Variants in ZNF35 observed in about 807,000 individuals in gnomAD.
The protein encoded by ZNF35 is zinc finger protein 35.
ZNF35 carries 31 observed loss-of-function variants against 45.9 expected under a neutral mutation model. That is an observed-to-expected ratio of 0.68 (90% CI 0.51 to 0.91). ZNF35 has a LOEUF of 0.91. Among genes scored for constraint, ZNF35 ranks in the 40% least tolerant of loss-of-function variants. ZNF35 has a pLI of 0.00. For missense variants in ZNF35, 515 were observed against 625.4 expected, an observed-to-expected ratio of 0.82 and a Z score of 1.88; for synonymous variants, 205 against 220.2, an observed-to-expected ratio of 0.93 and a Z score of 0.61.
At chr3:44,646,610 T>C (rs1702973243), upstream of ZNF35, 3 of 812,618 alleles carry the variant, frequency 3.7e-6, no homozygotes, top group Non-Finnish European at 6.4e-6. Flanking sequence ...ATTATTATGA[T>C]GAAAAAGAGA....
chr3:44,649,828 C>A (rs1703150351), intron 1 of ZNF35, among the ~76,000 whole-genome samples: 1 of 151,800 alleles, frequency 6.6e-6, no homozygotes, highest in Admixed American at 6.6e-5. Context: ...ATAATATAGC[C>A]ACAATTTAGA....
intron 3 of ZNF35, among the ~76,000 whole-genome samples, chr3:44,652,913 C>T (rs1703230574): frequency 6.6e-6 from 1 of 152,150 alleles, no homozygotes; most frequent in South Asian, 2.1e-4. Flanking sequence ...ACTAGACAAA[C>T]ATAGGTGTTG....
chr3:44,652,650 A>T lies in ZNF35; in HGVS notation c.286A>T (p.Thr96Ser), dbSNP rs200833988. The T allele has an allele frequency of 2.5e-6, 4 of 1,610,692 alleles. No individual in the cohort carries two copies. Among genetic ancestry groups the T allele is most frequent in the Non-Finnish European group, 3.4e-6 (4 of 1,178,690 alleles). Residue 96 changes from threonine to serine, a missense_variant, in exon 3 of 4, where the codon ACT (threonine) becomes TCT (serine). Physicochemically the swap from Thr to Ser is moderately conservative, Grantham distance 58. Around this residue, in one of 3 missense-constraint regions of ZNF35, gnomAD observed 275 missense variants for 295.7 expected, o/e 0.93. Coordinates refer to ENST00000396056, the MANE Select transcript of ZNF35 (RefSeq NM_003420.4). ...STLGSYSLPG[T>S]LAKSEILETH... ...CCTTGGCAGCTACTCATTACCAGGGACTCTGGCCAAGAGTGAGATACTGGA... is the reference window on the plus strand; with the variant it reads ...CCTTGGCAGCTACTCATTACCAGGGTCTCTGGCCAAGAGTGAGATACTGGA...
Position 44,652,621 on chromosome 3 carries a change from C to G in ZNF35, c.257C>G (p.Ser86Ter), listed in dbSNP as rs1703224749. The change falls in exon 3 of 4, where the codon TCA (serine) becomes TGA (stop). Residue 86 changes from serine to a stop codon, truncating the protein, a stop_gained. Transcript: ENST00000396056. LOFTEE classifies it high-confidence loss of function. ...LKATQEAPAASTLGSYSLPGT... is the reference protein window; with the variant it reads ...LKATQEAPAA ...GCAACTCAGGAGGCACCTGCTGCTT[C>G]AACCCTTGGCAGCTACTCATTACCA... The G allele has an allele frequency of 6.2e-7, 1 of 1,611,130 alleles. No individual in the cohort carries two copies. The highest frequency in any genetic ancestry group is 2.2e-5 in the East Asian group (1 of 44,752).
chr3:44,650,761 G>T (rs1310525359), intron 1 of ZNF35, among the ~76,000 whole-genome samples, 180 bp from the exon 2 acceptor site: 1 of 152,218 alleles, frequency 6.6e-6, no homozygotes, highest in Non-Finnish European at 1.5e-5. Flanking sequence ...ATTATGGGAA[G>T]ATATTACATA....
chr3:44,651,194 A>G lies in ZNF35; in HGVS notation c.127A>G (p.Ile43Val), dbSNP rs771356809. ...CAGCCAACAAGTGCACTCCGAGAAC[A>G]TCAAAGTCTGGGCCCCAGTGCAGGG... ...ASSQQVHSEN[I>V]KVWAPVQGLQ... Residue 43 changes from isoleucine (I) to valine (V), a missense_variant, in exon 2 of 4, where the codon ATC (isoleucine) becomes GTC (valine). Transcript: ENST00000396056. The G allele has an allele frequency of 6.8e-6, 11 of 1,614,212 alleles. No homozygotes were observed. Among genetic ancestry groups the G allele is most frequent in the African/African-American group, 1.3e-5 (1 of 75,052 alleles).
At chr3:44,650,497 A>G (rs1703180766) in intron 1 of ZNF35, among the ~76,000 whole-genome samples, 1 of 152,216 alleles carries the variant, frequency 6.6e-6, no homozygotes, top group Admixed American at 6.5e-5. Context: ...CTATGATGAT[A>G]ATTGTGAAAA....
In ZNF35 at chr3:44,659,584, G is replaced by T; in HGVS notation, c.1221G>T (p.Val407=). 6.2e-7 allele frequency: 1 copy of T among 1,613,954 alleles called. No homozygotes were observed. Among genetic ancestry groups the T allele is most frequent in the Non-Finnish European group, 8.5e-7 (1 of 1,179,966 alleles). Residue 407 remains valine (V), a synonymous_variant, in exon 4 of 4, where the codon GTG becomes GTT. Transcript: ENST00000396056. The surrounding 1 kb of genome is among the most constrained non-coding windows in gnomAD (Gnocchi z 4.3). ...KAFSCFSHLI[V]HQRIHTAEKP... ...TTAGTTGTTTTTCACACCTTATTGT[G>T]CACCAGAGAATTCACACTGCAGAGA...
At chr3:44,655,289 G>C (rs1703279458) in intron 3 of ZNF35, among the ~76,000 whole-genome samples, 1 of 151,634 alleles carries the variant, frequency 6.6e-6, no homozygotes, top group Non-Finnish European at 1.5e-5. Context: ...ATAAAATCTT[G>C]ATAAACACAG....
intron 1 of ZNF35, among the ~76,000 whole-genome samples, chr3:44,649,853 T>C (rs1481772455): frequency 6.6e-6 from 1 of 152,190 alleles, no homozygotes; most frequent in Non-Finnish European, 1.5e-5. Flanking sequence ...TATGCCAGAA[T>C]GAGGTAGTTC....
At chr3:44,656,712 TAG>T (rs1176497200) in intron 3 of ZNF35, among the ~76,000 whole-genome samples, 2 of 142,052 alleles carry the variant, frequency 1.4e-5, no homozygotes, top group African/African-American at 2.6e-5. Context: ...TTCTTTGAGA[TAG>T]AGTCTTGCTT....
Position 44,659,480 on chromosome 3 carries a change from C to G in ZNF35, c.1117C>G (p.Gln373Glu), listed in dbSNP as rs748539228. 1.2e-6 allele frequency: 2 copies of G among 1,612,476 alleles called. No homozygotes were observed. The highest frequency in any genetic ancestry group is 1.1e-5 in the South Asian group (1 of 90,992). The stretch of plus-strand genomic sequence containing the variant: ...TAACGACTGTGGCAAAGCCTTTACC[C>G]AGAGTGCAAATCTTATTGTACATCA... ...ACNDCGKAFT[Q>E]SANLIVHQRS... The change falls in exon 4 of 4, where the codon CAG becomes GAG. Residue 373 changes from glutamine (Q) to glutamate (E), a missense_variant. Physicochemically the swap from Gln to Glu is conservative, Grantham distance 29 (BLOSUM62 2). Coordinates refer to ENST00000396056, the MANE Select transcript of ZNF35 (RefSeq NM_003420.4). The surrounding 1 kb of genome is among the most constrained non-coding windows in gnomAD (Gnocchi z 4.3).
chr3:44,660,633 C>T lies in ZNF35; in HGVS notation c.*686C>T, dbSNP rs1041341869. On this transcript the variant is annotated 3_prime_UTR_variant, in exon 4 of 4. Coordinates refer to ENST00000396056, the MANE Select transcript of ZNF35 (RefSeq NM_003420.4). ...CCAAGCACTCAAGGATTGATGGACA[C>T]CACACACCAGCTATATTCATTTGCC... The T allele has an allele frequency of 1.3e-5, 2 of 152,314 alleles. No homozygotes were observed. The highest frequency in any genetic ancestry group is 6.5e-5 in the Admixed American group (1 of 15,284). 9.4% of individuals were successfully genotyped at this position (152,314 alleles called of 1,614,324 possible).
In ZNF35 at chr3:44,659,849, C is replaced by T; in HGVS notation, c.1486C>T (p.His496Tyr). The T allele has an allele frequency of 5.0e-6, 8 of 1,613,640 alleles. No homozygotes were observed. Among genetic ancestry groups the T allele is most frequent in the Non-Finnish European group, 6.8e-6 (8 of 1,179,716 alleles). ...GAGCCTCACCGTGCACCAGAGAACC[C>T]ACACTGGGGAGAAGCCCTATGAATG... ...RSSLTVHQRT[H>Y]TGEKPYECEK... The change falls in exon 4 of 4, where the codon CAC becomes TAC. Residue 496 changes from histidine (H) to tyrosine (Y), a missense_variant. His to Tyr is a moderately conservative substitution (Grantham distance 83, BLOSUM62 2). This residue lies in a region of ZNF35 where 232 missense variants were observed against 304.6 expected (regional missense o/e 0.76). Coordinates refer to ENST00000396056, the MANE Select transcript of ZNF35 (RefSeq NM_003420.4). This position sits in a 1 kb window ranked among gnomAD's most constrained non-coding sequence, Gnocchi z 4.3.
At chr3:44,658,624 G>T (rs913259373) in intron 3 of ZNF35, 77 bp from the exon 4 acceptor site, 1 of 1,472,554 alleles carries the variant, frequency 6.8e-7, no homozygotes, top group African/African-American at 1.4e-5. Flanking sequence ...CACATACTTC[G>T]TTTTATGACT....
At chr3:44,652,041 CTTTG>C (rs1306214204) in intron 2 of ZNF35, among the ~76,000 whole-genome samples, 6 of 152,008 alleles carry the variant, frequency 3.9e-5, no homozygotes, top group East Asian at 1.9e-4. Context: ...ATTCTGTGTT[CTTTG>C]TTTGTTTGTT....
chr3:44,659,623 C>T lies in ZNF35; in HGVS notation c.1260C>T (p.Cys420=). ...RIHTAEKPYD[C]SECGKAFSQL... ...ACACTGCAGAGAAACCTTACGACTG[C>T]AGCGAATGTGGGAAAGCCTTCAGTC... The change falls in exon 4 of 4, where the codon TGC becomes TGT. Residue 420 remains cysteine (C), a synonymous_variant. Transcript: ENST00000396056. The surrounding 1 kb of genome is among the most constrained non-coding windows in gnomAD (Gnocchi z 4.3). 6.2e-7 allele frequency: 1 copy of T among 1,613,966 alleles called. No homozygotes were observed. The highest frequency in any genetic ancestry group is 8.5e-7 in the Non-Finnish European group (1 of 1,179,984).
intron 1 of ZNF35, 68 bp from the exon 2 acceptor site, chr3:44,650,873 C>T (rs1403563668): frequency 4.1e-5 from 22 of 534,192 alleles, no homozygotes; most frequent in Middle Eastern, 5.1e-4. Flanking sequence ...GTGTGGCATC[C>T]GGCAAATTTG....
At chr3:44,647,925 C>T (rs578201398), upstream of ZNF35, 1 of 152,232 alleles carries the variant, frequency 6.6e-6, no homozygotes, top group South Asian at 2.1e-4. Flanking sequence ...GGTGCTATAC[C>T]TATACACACA....
Sources: gnomAD v4.1 joint callset for allele counts (sites outside exome capture counted in the v4.1 genomes callset) on GRCh38, gnomAD v4.1.1 for gene constraint, gnomAD v4.1.1 regional missense constraint, Gnocchi (gnomAD v3.1) non-coding constraint, MANE v1.5 for transcripts, NCBI Gene and HGNC (gene_info 2026-07-23, HGNC 2026-07-21) for gene names.